SPEF2: variants seen among roughly 807,000 people sequenced by gnomAD.
SPEF2 encodes the protein sperm flagella and cilia-associated protein 2.
In SPEF2, 187 loss-of-function variants were observed where a neutral mutation model predicts 224.6. The ratio of observed to expected loss-of-function variants is 0.83; its 90% CI spans 0.74 to 0.94. SPEF2 has a LOEUF of 0.94. Among genes scored for constraint, SPEF2 ranks in the 40% least tolerant of loss-of-function variants. The pLI is 0.00. For synonymous variants in SPEF2, 715 were observed against 707.3 expected (o/e 1.01, Z -0.17); for missense variants, 2,170 against 2,135.6 (o/e 1.02, Z -0.32).
At chr5:35,639,377 T>G (rs1173277570) in intron 2 of SPEF2, among the ~76,000 whole-genome samples, 1 of 152,280 alleles carries the variant, frequency 6.6e-6, no homozygotes, top group East Asian at 1.9e-4. Flanking sequence ...TCAGTAAATT[T>G]TATGGGCATA....
At chr5:35,654,170 G>A (rs1417675072) in intron 6 of SPEF2, among the ~76,000 whole-genome samples, 1 of 151,322 alleles carries the variant, frequency 6.6e-6, no homozygotes, top group Non-Finnish European at 1.5e-5. Flanking sequence ...TGAGGCAGGA[G>A]AATCACTTGA....
rs1744901828 is a variant in SPEF2 at position 35,727,707 on chromosome 5, G to A, written c.2947G>A (p.Val983Ile). 1.4e-5 allele frequency: 23 copies of A among 1,613,730 alleles called. No individual in the cohort carries two copies. The highest frequency in any genetic ancestry group is 1.9e-5 in the Non-Finnish European group (23 of 1,179,800). ...TAAAGGAAAATCATCAGGAGGAAAAGTACCAGTAAAGAAATCACCTGCTGA... is the reference window on the plus strand; with the variant it reads ...TAAAGGAAAATCATCAGGAGGAAAAATACCAGTAAAGAAATCACCTGCTGA... ...SPKGKSSGGK[V>I]PVKKSPADST... is the part of the protein sequence containing the mutation. Residue 983 changes from valine (V) to isoleucine (I), a missense_variant, in exon 21 of 37, where the codon GTA becomes ATA. Physicochemically the swap from Val to Ile is conservative, Grantham distance 29 (BLOSUM62 3). Coordinates refer to ENST00000356031, the MANE Select transcript of SPEF2 (RefSeq NM_024867.4).
chr5:35,726,420 G>T (rs1021252292), intron 20 of SPEF2, among the ~76,000 whole-genome samples: 1 of 152,048 alleles, frequency 6.6e-6, no homozygotes, highest in Non-Finnish European at 1.5e-5. Flanking sequence ...ATATCAAATT[G>T]TGAAAATTGT....
intron 25 of SPEF2, 30 bp downstream of exon 25, chr5:35,759,749 T>G (rs1394903174): frequency 2.1e-5 from 31 of 1,491,340 alleles, no homozygotes; most frequent in Non-Finnish European, 2.7e-5. Flanking sequence ...CACACTGTAA[T>G]TGTTTTGAAC....
chr5:35,795,836 T>A, intron 33 of SPEF2, 41 bp downstream of exon 33: 2 of 1,507,280 alleles, frequency 1.3e-6, no homozygotes. Flanking sequence ...ATTATAGCAC[T>A]AATCATTTTC....
At chr5:35,772,382 A>T (rs1178350721) in intron 27 of SPEF2, among the ~76,000 whole-genome samples, 2 of 152,180 alleles carry the variant, frequency 1.3e-5, no homozygotes, top group African/African-American at 2.4e-5. Flanking sequence ...CTCTAGATGG[A>T]TGCCAAGAAC....
At chr5:35,787,260 C>CT (rs542133921) in intron 30 of SPEF2, among the ~76,000 whole-genome samples, 5,582 of 140,992 alleles carry the variant, frequency 0.04, 180 homozygotes, top group South Asian at 0.11. Flanking sequence ...GCTTCACACC[C>CT]TTTTTTTTTT....
chr5:35,739,887 A>G (rs771716048), intron 21 of SPEF2, 32 bp from the exon 22 acceptor site: 1 of 1,606,604 alleles, frequency 6.2e-7, no homozygotes, highest in Non-Finnish European at 8.5e-7. Flanking sequence ...TTCATTTTGA[A>G]GTAACAGTTT....
chr5:35,811,842 T>C (rs1197583153), intron 36 of SPEF2, among the ~76,000 whole-genome samples: 5 of 148,988 alleles, frequency 3.4e-5, no homozygotes, highest in Non-Finnish European at 7.4e-5. Flanking sequence ...CTGGATTCAG[T>C]GGTGCAATCT....
intron 16 of SPEF2, 27 bp downstream of exon 16, chr5:35,700,779 C>G (rs983328728): frequency 3.1e-6 from 5 of 1,606,948 alleles, no homozygotes; most frequent in Admixed American, 1.7e-5. Context: ...TTTTGACACT[C>G]TTTTTACAAT....
chr5:35,788,349 C>G (rs762555273), intron 30 of SPEF2: 5 of 702,692 alleles, frequency 7.1e-6, no homozygotes, highest in Non-Finnish European at 1.0e-5. Flanking sequence ...GATATTGGCC[C>G]AGTATTCAGA....
At chr5:35,643,198 T>C (rs560105288) in intron 3 of SPEF2, among the ~76,000 whole-genome samples, 1 of 152,338 alleles carries the variant, frequency 6.6e-6, no homozygotes, top group Admixed American at 6.5e-5. Context: ...CATTTAATGT[T>C]GGTCATGGGT....
intron 7 of SPEF2, among the ~76,000 whole-genome samples, chr5:35,658,647 T>C (rs1749286027): frequency 6.6e-6 from 1 of 152,160 alleles, no homozygotes; most frequent in South Asian, 2.1e-4. Flanking sequence ...ATAGGTAAAC[T>C]CGTGTTACAG....
intron 10 of SPEF2, among the ~76,000 whole-genome samples, chr5:35,682,466 C>A (rs1466875758): frequency 6.6e-6 from 1 of 152,222 alleles, no homozygotes; most frequent in Non-Finnish European, 1.5e-5. Flanking sequence ...CTTGCCTTGT[C>A]TTTCTAAATG....
intron 16 of SPEF2, among the ~76,000 whole-genome samples, chr5:35,702,513 A>G (rs1219498552): frequency 1.3e-5 from 2 of 152,186 alleles, no homozygotes; most frequent in Non-Finnish European, 2.9e-5. Context: ...TTTTGAGTTC[A>G]GGCATCAAAT....
At chr5:35,657,391 G>A (rs956482870) in intron 7 of SPEF2, among the ~76,000 whole-genome samples, 1 of 152,112 alleles carries the variant, frequency 6.6e-6, no homozygotes, top group Admixed American at 6.6e-5. Context: ...ACTTTTTAGG[G>A]GATAGGTTTT....
chr5:35,713,518 G>A (rs1741638954), intron 20 of SPEF2, among the ~76,000 whole-genome samples: 1 of 151,450 alleles, frequency 6.6e-6, no homozygotes, highest in Non-Finnish European at 1.5e-5. Flanking sequence ...GGCAGATCCT[G>A]AGGTCAGGCG....
intron 20 of SPEF2, among the ~76,000 whole-genome samples, chr5:35,719,811 AG>A (rs1743284601): frequency 6.6e-6 from 1 of 152,080 alleles, no homozygotes; most frequent in African/African-American, 2.4e-5. Context: ...TAATAGAGAC[AG>A]GGTTTCACTG....
At chr5:35,757,076 CTA>C (rs915864711) in intron 24 of SPEF2, among the ~76,000 whole-genome samples, 3 of 151,830 alleles carry the variant, frequency 2.0e-5, no homozygotes, top group South Asian at 2.1e-4. Context: ...TTTTTAATAA[CTA>C]TTAAAAATAT....
Sources: allele counts gnomAD v4.1 joint callset (sites outside exome capture counted in the v4.1 genomes callset), GRCh38; gene constraint gnomAD v4.1.1; transcripts MANE v1.5; gene names NCBI Gene and HGNC (gene_info 2026-07-23, HGNC 2026-07-21).